The following PRPF38A variants were observed in gnomAD, a reference collection of about 807,000 sequenced individuals.
PRPF38A encodes the protein pre-mRNA processing factor 38A, also known as pre-mRNA-splicing factor 38A.
PRPF38A carries 11 observed loss-of-function variants against 46.8 expected under a neutral mutation model. The ratio of observed to expected loss-of-function variants is 0.24; its 90% CI spans 0.15 to 0.39. PRPF38A has a LOEUF of 0.39. Among genes scored for constraint, PRPF38A ranks in the 10% least tolerant of loss-of-function variants. The probability of loss-of-function intolerance (pLI) is 1.00; values close to 1 mark genes in which losing one functional copy is unlikely to be tolerated. For synonymous variants in PRPF38A, 124 were observed against 136.2 expected (o/e 0.91, Z 0.62); for missense variants, 261 against 407.5 (o/e 0.64, Z 3.10).
chr1:52,411,290 C>T (rs1648143358), intron 4 of PRPF38A, 90 bp downstream of exon 4: 1 of 883,230 alleles, frequency 1.1e-6, no homozygotes, highest in Non-Finnish European at 1.8e-6. Context: ...AACACTGAAG[C>T]CTGTGGATCT....
rs1170992647 is a variant in PRPF38A at position 52,413,978 on chromosome 1, C to T, written c.709C>T (p.Arg237Trp). The change falls in exon 6 of 10, where the codon CGG (arginine) becomes TGG (tryptophan). Residue 237 changes from arginine (R) to tryptophan (W), a missense_variant. By Grantham distance (101) the Arg-to-Trp change is moderately radical. Transcript: ENST00000257181. ...ACTGCGCTACAGGAGGAGTAGGAGC[C>T]GGTCTCCCAGAAGGTAAAGCCTAGT... Reference protein sequence around the residue: ...PTLRYRRSRSRSPRRRSRSPK... With the variant: ...PTLRYRRSRSWSPRRRSRSPK... 10 of 1,611,528 alleles carry T rather than the reference C, an allele frequency of 6.2e-6. No individual in the cohort carries two copies. The highest frequency in any genetic ancestry group is 6.8e-6 in the Non-Finnish European group (8 of 1,177,738).
rs1648413929 is a variant in PRPF38A, at chr1:52,419,669, A to G, written c.*2979A>G. 6.6e-6 allele frequency: 1 copy of G among 152,214 alleles called. No homozygotes were observed. Among genetic ancestry groups the G allele is most frequent in the African/African-American group, 2.4e-5 (1 of 41,448 alleles). 9.4% of individuals were successfully genotyped at this position (152,214 alleles called of 1,614,324 possible). On this transcript the variant is annotated 3_prime_UTR_variant, in exon 10 of 10. Transcript: ENST00000257181. ...TTAAAGGCCTTATACTAGAAACCACAAAACATAAAACAGCACAGAGAAAAT... is the reference window on the plus strand; with the variant it reads ...TTAAAGGCCTTATACTAGAAACCACGAAACATAAAACAGCACAGAGAAAAT...
chr1:52,408,421 C>T (rs865847576), intron 2 of PRPF38A, 148 bp from the exon 3 acceptor site: 1 of 1,046,104 alleles, frequency 9.6e-7, no homozygotes, highest in Non-Finnish European at 1.5e-6. Flanking sequence ...AGCTGTCTTT[C>T]TTCTGCTGCA....
chr1:52,413,282 C>T (rs536988866), intron 5 of PRPF38A, among the ~76,000 whole-genome samples: 3 of 152,172 alleles, frequency 2.0e-5, no homozygotes, highest in Admixed American at 1.3e-4. Context: ...CATAATTGCA[C>T]CTATCCTAAG....
At chr1:52,412,469 A>C in intron 4 of PRPF38A, 45 bp from the exon 5 acceptor site, 2 of 1,391,156 alleles carry the variant, frequency 1.4e-6, no homozygotes, top group Non-Finnish European at 1.0e-6. Context: ...TTCAAGAAAT[A>C]GGGGAAATGG....
rs922884365 is a variant in PRPF38A, at chr1:52,419,772, C to G, written c.*3082C>G. ...TTCTGATGGTTTAAAAAGAATTGGC[C>G]GGGTGCGGTGGCTCACGCCTGTAAT... On this transcript the variant is annotated 3_prime_UTR_variant, in exon 10 of 10. Coordinates refer to ENST00000257181, the MANE Select transcript of PRPF38A (RefSeq NM_032864.4). 6.6e-6 allele frequency: 1 copy of G among 152,112 alleles called. No individual in the cohort carries two copies. Among genetic ancestry groups the G allele is most frequent in the Admixed American group, 6.5e-5 (1 of 15,268 alleles). 9.4% of individuals were successfully genotyped at this position (152,112 alleles called of 1,614,324 possible). A position where few individuals can be genotyped will look rare whatever the true frequency, so the allele number is the denominator to read the frequency against.
chr1:52,407,412 T>C (rs937733857), intron 2 of PRPF38A, among the ~76,000 whole-genome samples: 10 of 152,082 alleles, frequency 6.6e-5, no homozygotes, highest in African/African-American at 2.4e-4. Flanking sequence ...TTTCAATGCA[T>C]TTCTTGTTTA....
intron 3 of PRPF38A, chr1:52,408,899 G>C (rs1648073166): frequency 4.2e-6 from 2 of 481,734 alleles, no homozygotes; most frequent in East Asian, 3.6e-5. Context: ...GCCTCTGTCT[G>C]TCTCCCTTTC....
intron 2 of PRPF38A, among the ~76,000 whole-genome samples, chr1:52,407,926 C>T (rs2147954877): frequency 6.6e-6 from 1 of 152,360 alleles, no homozygotes; most frequent in South Asian, 2.1e-4. Context: ...TGTGTTGGCA[C>T]ATGCCTATAA....
chr1:52,412,863 G>A (rs1287585835), intron 5 of PRPF38A, among the ~76,000 whole-genome samples: 4 of 152,096 alleles, frequency 2.6e-5, no homozygotes, highest in African/African-American at 7.2e-5. Context: ...ATTAGCCAGC[G>A]TTGTGGTGGG....
chr1:52,413,930 G>A lies in PRPF38A; in HGVS notation c.661G>A (p.Asp221Asn). The change falls in exon 6 of 10, where the codon GAC becomes AAC. Residue 221 changes from aspartate to asparagine, a missense_variant. Asp to Asn is a conservative substitution (Grantham distance 23). Coordinates refer to ENST00000257181, the MANE Select transcript of PRPF38A (RefSeq NM_032864.4). Reference sequence around the variant, plus strand: ...CCGCCGGAGAAGCTACCGAGACTTGGACAAGCCCCGTCGCTCTCCCACACT... The same window carrying A: ...CCGCCGGAGAAGCTACCGAGACTTGAACAAGCCCCGTCGCTCTCCCACACT... Reference protein sequence around the residue: ...DHRRRSYRDLDKPRRSPTLRY... With the variant: ...DHRRRSYRDLNKPRRSPTLRY... 1 of 1,613,954 alleles carries A rather than the reference G, an allele frequency of 6.2e-7. No individual in the cohort carries two copies. The highest frequency in any genetic ancestry group is 2.2e-5 in the East Asian group (1 of 44,856).
rs1648437679 is a variant in PRPF38A, at chr1:52,420,735, C to T, written c.*4045C>T. 2.0e-5 allele frequency: 3 copies of T among 152,152 alleles called. No individual in the cohort carries two copies. The highest frequency in any genetic ancestry group is 2.0e-4 in the Admixed American group (3 of 15,270). The allele number at this position is 152,152 out of a possible 1,614,324, so 9.4% of individuals were successfully genotyped here. On this transcript the variant is annotated 3_prime_UTR_variant, in exon 10 of 10. Transcript: ENST00000257181. ...GAATGAAGTTCACCAGATAGTACTT[C>T]TTTCTGGCTGATGAACTTTTGAATG...
In PRPF38A at chr1:52,404,603, C is replaced by G; in HGVS notation, c.-147C>G. The G allele has an allele frequency of 1.3e-6, 1 of 797,610 alleles. No individual in the cohort carries two copies. Among genetic ancestry groups the G allele is most frequent in the Admixed American group, 3.0e-5 (1 of 33,520 alleles). 49.4% of individuals were successfully genotyped at this position (797,610 alleles called of 1,614,324 possible). On this transcript the variant is annotated 5_prime_UTR_variant, in exon 1 of 10. Coordinates refer to ENST00000257181, the MANE Select transcript of PRPF38A (RefSeq NM_032864.4). ...CGACGCGGGGAGCGGAAGCCCTTTA[C>G]ACTACGGTGTTTCCGGCTTCAAGAT...
At chr1:52,412,900 G>A (rs1007157153) in intron 5 of PRPF38A, among the ~76,000 whole-genome samples, 2 of 152,116 alleles carry the variant, frequency 1.3e-5, no homozygotes, top group Non-Finnish European at 2.9e-5. Flanking sequence ...TACCCAGGAG[G>A]CTGAGGCAGC....
At chr1:52,414,942 G>A in intron 8 of PRPF38A, 83 bp downstream of exon 8, 1 of 1,265,082 alleles carries the variant, frequency 7.9e-7, no homozygotes. Flanking sequence ...GTACAGGAGT[G>A]CCTGACTGTA....
intron 2 of PRPF38A, among the ~76,000 whole-genome samples, chr1:52,406,239 C>A (rs766890883): frequency 5.1e-4 from 78 of 152,034 alleles, no homozygotes; most frequent in Non-Finnish European, 2.9e-4. Flanking sequence ...TCCCCTCCCC[C>A]CCCGGGCCTC....
At chr1:52,414,676 A>G in intron 7 of PRPF38A, 29 bp downstream of exon 7, 2 of 1,613,732 alleles carry the variant, frequency 1.2e-6, no homozygotes, top group Non-Finnish European at 1.7e-6. Context: ...GTGATGAAGG[A>G]TAGGGCTTTG....
Position 52,416,902 on chromosome 1 carries a change from T to A in PRPF38A, c.*212T>A, listed in dbSNP as rs1002249892. ...AGTTTTTGACCCAACTAACCTTGAC[T>A]GTATTCAAACTTATGAGAGTATAAA... On this transcript the variant is annotated 3_prime_UTR_variant, in exon 10 of 10. Coordinates refer to ENST00000257181, the MANE Select transcript of PRPF38A (RefSeq NM_032864.4). 7.1e-6 allele frequency: 4 copies of A among 564,940 alleles called. No individual in the cohort carries two copies. The African/African-American group carries it at 7.6e-5, about 11-fold the overall frequency. 35.0% of individuals were successfully genotyped at this position (564,940 alleles called of 1,614,324 possible).
intron 2 of PRPF38A, among the ~76,000 whole-genome samples, chr1:52,407,238 C>T (rs962050929): frequency 1.4e-4 from 21 of 152,314 alleles, no homozygotes; most frequent in African/African-American, 2.9e-4. Flanking sequence ...AGGATGGTCC[C>T]GATCTCCTGA....
Sources: gnomAD v4.1 joint callset for allele counts (sites outside exome capture counted in the v4.1 genomes callset) on GRCh38, gnomAD v4.1.1 for gene constraint, MANE v1.5 for transcripts, NCBI Gene and HGNC (gene_info 2026-07-23, HGNC 2026-07-21) for gene names.